DNAJB12: variants seen among roughly 807,000 people sequenced by gnomAD.
DNAJB12 encodes DnaJ heat shock protein family (Hsp40) member B12.
Under a neutral mutation model 40.6 loss-of-function variants are expected in DNAJB12, and 14 were observed. That is an observed-to-expected ratio of 0.34 (90% CI 0.23 to 0.54). The LOEUF (loss-of-function observed/expected upper bound fraction) is 0.54, where lower values mean the gene tolerates loss of function less well. DNAJB12 is among the 20% of genes least tolerant of loss of function. The probability of loss-of-function intolerance (pLI) is 0.92; values close to 1 mark genes in which losing one functional copy is unlikely to be tolerated. For synonymous variants in DNAJB12, 181 were observed against 199.5 expected, an observed-to-expected ratio of 0.91 and a Z score of 0.78; for missense variants, 444 against 501.7, an observed-to-expected ratio of 0.89 and a Z score of 1.10.
At position 72,335,799 on chromosome 10, in the gene DNAJB12, C is replaced by A. The variant is rs201919291; in HGVS notation, c.*11G>T. 8.2e-5 allele frequency: 132 copies of A among 1,613,238 alleles called. No homozygotes were observed. Among genetic ancestry groups the A allele is most frequent in the Middle Eastern group, 5.0e-4 (3 of 6,044 alleles). On this transcript the variant is annotated 3_prime_UTR_variant, in exon 8 of 9. Coordinates refer to ENST00000444643, the MANE Select transcript of DNAJB12 (RefSeq NM_017626.7). This position sits in a 1 kb window ranked among gnomAD's most constrained non-coding sequence, Gnocchi z 4.4. ...TCATACTTGGACCTCGGTGGTGTGGCTGGCCCAGGACTATCCATGCAGGGA... is the reference window on the plus strand; with the variant it reads ...TCATACTTGGACCTCGGTGGTGTGGATGGCCCAGGACTATCCATGCAGGGA...
chr10:72,335,918 C>T lies in DNAJB12; in HGVS notation c.1020G>A (p.Leu340=), dbSNP rs1861460719. Residue 340 remains leucine (L), a synonymous_variant, in exon 8 of 9, where the codon CTG becomes CTA. Coordinates refer to ENST00000444643, the MANE Select transcript of DNAJB12 (RefSeq NM_017626.7). The surrounding 1 kb of genome is among the most constrained non-coding windows in gnomAD (Gnocchi z 4.4). ...WKEKQQKEGL[L]YRARYFGDTD... The stretch of plus-strand genomic sequence containing the variant: ...TGTCGCCAAAGTAGCGTGCCCGGTA[C>T]AGCAAGCCTTCCTCTGCAAAGCAAT... 3 of 1,614,016 alleles carry T rather than the reference C, an allele frequency of 1.9e-6. No individual in the cohort carries two copies. Among genetic ancestry groups the T allele is most frequent in the Admixed American group, 1.7e-5 (1 of 59,988 alleles).
chr10:72,348,285 A>G (rs895290084), intron 1 of DNAJB12, among the ~76,000 whole-genome samples: 2 of 152,192 alleles, frequency 1.3e-5, no homozygotes, highest in Non-Finnish European at 2.9e-5. Context: ...GAAGGGCCCA[A>G]GTCTCTGGCA....
intron 3 of DNAJB12, among the ~76,000 whole-genome samples, chr10:72,342,132 C>T (rs369625468): frequency 2.0e-5 from 3 of 152,294 alleles, no homozygotes; most frequent in South Asian, 2.1e-4. Context: ...GAGACTCCTC[C>T]ACTTCTGGTG....
intron 5 of DNAJB12, among the ~76,000 whole-genome samples, chr10:72,338,937 G>A (rs1266200664): frequency 6.6e-6 from 1 of 152,196 alleles, no homozygotes; most frequent in Admixed American, 6.5e-5. Context: ...AATCTGTGAT[G>A]TTAAACTCTT....
Position 72,334,375 on chromosome 10 carries a change from T to A in DNAJB12, c.*273A>T. The A allele has an allele frequency of 1.6e-6, 1 of 620,506 alleles. No homozygotes were observed. Among genetic ancestry groups the A allele is most frequent in the Non-Finnish European group, 2.8e-6 (1 of 357,898 alleles). The allele number at this position is 620,506 out of a possible 1,614,324, so 38.4% of individuals were successfully genotyped here. ...TACTTTCGTTGCCATGGTTTCTGTA[T>A]CCTAGGAGAGAGGCGATGCGGAGCC... On this transcript the variant is annotated 3_prime_UTR_variant, in exon 9 of 9. Transcript: ENST00000444643.
intron 1 of DNAJB12, chr10:72,353,434 T>A (rs980642799): frequency 6.6e-6 from 1 of 152,290 alleles, no homozygotes; most frequent in Non-Finnish European, 1.5e-5. Flanking sequence ...GGGAGGAAAG[T>A]TCAGCAGTCC....
rs1391815719 is a variant in DNAJB12, at chr10:72,338,875, CA to C, written c.724-565del. 2.0e-5 allele frequency among the ~76,000 whole-genome samples: 3 copies of C among 149,074 alleles called. No homozygotes were observed. The East Asian group carries it at 5.8e-4, about 29-fold the overall frequency. On this transcript the variant is annotated intron_variant, in intron 5 of 8. Coordinates refer to ENST00000444643, the MANE Select transcript of DNAJB12 (RefSeq NM_017626.7). ...CTAGGGTGCAGAAAAAGCAAACAAA[CA>C]AAAAAAGAAGAATTAGAAATAAAAA...
At chr10:72,336,081 CAG>C in intron 7 of DNAJB12, 150 bp from the exon 8 acceptor site, 5 of 966,238 alleles carry the variant, frequency 5.2e-6, no homozygotes, top group Non-Finnish European at 7.8e-6. Flanking sequence ...CATGGAGGAG[CAG>C]AGACTACAGT....
intron 1 of DNAJB12, 36 bp downstream of exon 1, chr10:72,354,729 C>G (rs1332132175): frequency 3.8e-6 from 6 of 1,562,782 alleles, no homozygotes; most frequent in East Asian, 2.3e-5. Flanking sequence ...CCCATCAGTT[C>G]TAATGTCCCC....
chr10:72,347,282 C>T (rs2131999806), intron 1 of DNAJB12, among the ~76,000 whole-genome samples: 1 of 152,254 alleles, frequency 6.6e-6, no homozygotes, highest in East Asian at 1.9e-4. Context: ...TTTTTAAGAT[C>T]TCAAAGTAGT....
intron 3 of DNAJB12, among the ~76,000 whole-genome samples, chr10:72,341,482 T>C (rs1861639221): frequency 6.6e-6 from 1 of 152,204 alleles, no homozygotes; most frequent in Non-Finnish European, 1.5e-5. Flanking sequence ...TTGTTTATTT[T>C]ATTTTTTGAG....
chr10:72,335,038 C>T lies in DNAJB12; in HGVS notation c.*31-421G>A. ...TCCCCTCCACCCCTCCTGTGCTGAG[C>T]GGCTGCGTCTGACCCTGAACTCATG... is the stretch of plus-strand genomic sequence containing the variant. On this transcript the variant is annotated intron_variant, in intron 8 of 8. Coordinates refer to ENST00000444643, the MANE Select transcript of DNAJB12 (RefSeq NM_017626.7). The surrounding 1 kb of genome is among the most constrained non-coding windows in gnomAD (Gnocchi z 4.4). The T allele has an allele frequency of 5.8e-6, 6 of 1,026,056 alleles. No individual in the cohort carries two copies. Among genetic ancestry groups the T allele is most frequent in the Non-Finnish European group, 7.0e-6 (6 of 855,940 alleles). The allele number at this position is 1,026,056 out of a possible 1,614,324, so 63.6% of individuals were successfully genotyped here. A position where few individuals can be genotyped will look rare whatever the true frequency, so the allele number is the denominator to read the frequency against.
At chr10:72,353,335 A>T (rs1861980574) in intron 1 of DNAJB12, 1 of 152,380 alleles carries the variant, frequency 6.6e-6, no homozygotes, top group Middle Eastern at 3.4e-3. Context: ...CTCCTCGAGC[A>T]GGTTACCTCA....
Position 72,335,824 on chromosome 10 carries a change from A to G in DNAJB12, c.1114T>C (p.Ser372Pro), listed in dbSNP as rs753352445. 1 of 1,614,076 alleles carries G rather than the reference A, an allele frequency of 6.2e-7. No homozygotes were observed. The highest frequency in any genetic ancestry group is 8.5e-7 in the Non-Finnish European group (1 of 1,179,986). Reference protein sequence around the residue: ...SCSRLSEVQASLHG With the variant: ...SCSRLSEVQAPLHG ...CTGGCCCAGGACTATCCATGCAGGG[A>G]GGCCTGCACCTCTGACAGTCGGCTG... is the stretch of plus-strand genomic sequence containing the variant. The change falls in exon 8 of 9, where the codon TCC (serine) becomes CCC (proline). Residue 372 changes from serine (S) to proline (P), a missense_variant. Transcript: ENST00000444643. The surrounding 1 kb of genome is among the most constrained non-coding windows in gnomAD (Gnocchi z 4.4).
intron 6 of DNAJB12, among the ~76,000 whole-genome samples, chr10:72,337,937 GTGTGTGTGTA>G (rs1564817923): frequency 6.6e-6 from 1 of 152,032 alleles, no homozygotes; most frequent in Non-Finnish European, 1.5e-5. Context: ...CATGTGTATC[GTGTGTGTGTA>G]TGTGTGTGTG....
At chr10:72,341,710 G>A (rs1337080197) in intron 3 of DNAJB12, among the ~76,000 whole-genome samples, 2 of 152,118 alleles carry the variant, frequency 1.3e-5, no homozygotes, top group Non-Finnish European at 2.9e-5. Context: ...GGGCTCAAGG[G>A]ATCCTCCCAC....
At chr10:72,348,091 CAG>C (rs1861843415) in intron 1 of DNAJB12, among the ~76,000 whole-genome samples, 1 of 149,416 alleles carries the variant, frequency 6.7e-6, no homozygotes, top group Admixed American at 6.7e-5. Context: ...GGCGTGGTGG[CAG>C]GCGCCTGTAA....
intron 1 of DNAJB12, among the ~76,000 whole-genome samples, chr10:72,348,778 T>C (rs1861863080): frequency 6.6e-6 from 1 of 152,184 alleles, no homozygotes; most frequent in Admixed American, 6.5e-5. Context: ...GGAGGAACAA[T>C]AGCAACAATC....
chr10:72,352,697 TTG>T (rs2132009715), intron 1 of DNAJB12, among the ~76,000 whole-genome samples: 1 of 152,324 alleles, frequency 6.6e-6, no homozygotes, highest in East Asian at 1.9e-4. Context: ...TCTGTAAGTT[TTG>T]TCTCTTTCAC....
Sources: gnomAD v4.1 joint callset for allele counts (sites outside exome capture counted in the v4.1 genomes callset) on GRCh38, gnomAD v4.1.1 for gene constraint, Gnocchi (gnomAD v3.1) non-coding constraint, MANE v1.5 for transcripts, NCBI Gene and HGNC (gene_info 2026-07-23, HGNC 2026-07-21) for gene names.